The following CLPB variants were observed in gnomAD, a reference collection of about 807,000 sequenced individuals.
The protein encoded by CLPB is ClpB family mitochondrial disaggregase, also known as mitochondrial disaggregase.
In CLPB, 40 loss-of-function variants were observed where a neutral mutation model predicts 78.4. The ratio of observed to expected loss-of-function variants is 0.51; its 90% CI spans 0.40 to 0.66. The LOEUF is 0.66. Ranked by LOEUF, CLPB falls within the 30% of genes least tolerant of loss-of-function variation. The probability of loss-of-function intolerance (pLI) is 0.00; values close to 1 mark genes in which losing one functional copy is unlikely to be tolerated. For synonymous variants in CLPB, 333 were observed against 348.0 expected (o/e 0.96, Z 0.48); for missense variants, 780 against 886.9 (o/e 0.88, Z 1.53).
At chr11:72,372,400 T>C (rs1274200854) in intron 4 of CLPB, among the ~76,000 whole-genome samples, 2 of 152,166 alleles carry the variant, frequency 1.3e-5, no homozygotes, top group Non-Finnish European at 2.9e-5. Flanking sequence ...CTGGCAGGTA[T>C]AGAAAATTGC....
At chr11:72,380,579 C>T (rs1854881615) in intron 3 of CLPB, among the ~76,000 whole-genome samples, 195 bp from the exon 4 acceptor site, 1 of 152,114 alleles carries the variant, frequency 6.6e-6, no homozygotes, top group South Asian at 2.1e-4. Flanking sequence ...TAGCCGGGTG[C>T]AGTGACTAAT....
At chr11:72,331,849 T>G (rs182056123) in intron 5 of CLPB, among the ~76,000 whole-genome samples, 2 of 151,694 alleles carry the variant, frequency 1.3e-5, no homozygotes, top group East Asian at 2.0e-4. Flanking sequence ...GCTGGGATTA[T>G]AGGTGTGAGC....
intron 5 of CLPB, among the ~76,000 whole-genome samples, chr11:72,341,333 A>C (rs1311167312): frequency 6.6e-6 from 1 of 152,226 alleles, no homozygotes; most frequent in Admixed American, 6.5e-5. Context: ...CAGGGCCACC[A>C]GCAGCAGAAT....
At chr11:72,310,952 G>C (rs77198870) in intron 7 of CLPB, 1 of 152,112 alleles carries the variant, frequency 6.6e-6, no homozygotes, top group African/African-American at 2.4e-5. Flanking sequence ...ACCTGGGAGA[G>C]AGCTCTTTAT....
Position 72,313,108 on chromosome 11 carries a change from G to C in CLPB, c.988+3998C>G, listed in dbSNP as rs540463221. Among the ~76,000 whole-genome samples the C allele has an allele frequency of 7.9e-5, 12 of 152,310 alleles. No individual in the cohort carries two copies. The East Asian group carries it at 1.9e-3, about 24-fold the overall frequency. On this transcript the variant is annotated intron_variant, in intron 7 of 15. Coordinates refer to ENST00000538039, the MANE Select transcript of CLPB (RefSeq NM_001258392.3). ...ACTTACCTTTCTTGATAGGTGCCAG[G>C]GATATAGTGTGGGAGGTTTTTTATA...
At chr11:72,369,207 C>T (rs990430227) in intron 4 of CLPB, among the ~76,000 whole-genome samples, 1 of 152,132 alleles carries the variant, frequency 6.6e-6, no homozygotes, top group Non-Finnish European at 1.5e-5. Flanking sequence ...CTTTCCAGAG[C>T]CCACATCTCA....
rs1313530708 is a variant in CLPB, at chr11:72,290,568, T to G, written c.*2799A>C. The G allele has an allele frequency of 6.6e-6, 1 of 152,112 alleles. No individual in the cohort carries two copies. Among genetic ancestry groups the G allele is most frequent in the Admixed American group, 6.6e-5 (1 of 15,254 alleles). The allele number at this position is 152,112 out of a possible 1,614,324, so 9.4% of individuals were successfully genotyped here. The stretch of plus-strand genomic sequence containing the variant: ...ATTCACATAGCTTCAAAGTGGAAGA[T>G]TCTTGTTAATTTCAAAGGGAAAATT... On this transcript the variant is annotated 3_prime_UTR_variant, in exon 16 of 16. Coordinates refer to ENST00000538039, the MANE Select transcript of CLPB (RefSeq NM_001258392.3).
At chr11:72,309,987 G>A (rs1396962510) in intron 7 of CLPB, among the ~76,000 whole-genome samples, 1 of 152,214 alleles carries the variant, frequency 6.6e-6, no homozygotes, top group Non-Finnish European at 1.5e-5. Context: ...AGAGGTCTGG[G>A]AAGGTTCTCT....
At chr11:72,433,463 C>T (rs940381924) in intron 1 of CLPB, among the ~76,000 whole-genome samples, 4 of 151,820 alleles carry the variant, frequency 2.6e-5, no homozygotes, top group African/African-American at 9.7e-5. Context: ...TAGCTTGAAC[C>T]CGGGAGGCGG....
chr11:72,303,260 A>C (rs1435285601), intron 9 of CLPB, among the ~76,000 whole-genome samples: 11 of 152,212 alleles, frequency 7.2e-5, no homozygotes, highest in African/African-American at 2.7e-4. Flanking sequence ...GCATTCACTG[A>C]ATCCTGCTTC....
At position 72,312,483 on chromosome 11, in the gene CLPB, G is replaced by GGTGCTGGGT. The variant is rs1160380513; in HGVS notation, c.989-3888_989-3880dup. Reference sequence around the variant, plus strand: ...AATCTGACCATATTCCATGGGAGCAGGTGCTGGGTGTCCTGGGTGCCCTAT... The same window carrying GGTGCTGGGT: ...AATCTGACCATATTCCATGGGAGCAGGTGCTGGGTGTGCTGGGTGTCCTGGGTGCCCTAT... On this transcript the variant is annotated intron_variant, in intron 7 of 15. Transcript: ENST00000538039. This position sits in a 1 kb window ranked among gnomAD's most constrained non-coding sequence, Gnocchi z 4.2. 2.0e-5 allele frequency among the ~76,000 whole-genome samples: 3 copies of GGTGCTGGGT among 152,230 alleles called. No homozygotes were observed. Among genetic ancestry groups the GGTGCTGGGT allele is most frequent in the African/African-American group, 7.2e-5 (3 of 41,462 alleles).
intron 11 of CLPB, among the ~76,000 whole-genome samples, chr11:72,299,596 C>T (rs1769433884): frequency 6.6e-6 from 1 of 152,238 alleles, no homozygotes; most frequent in Admixed American, 6.5e-5. Flanking sequence ...CTAGCACTTA[C>T]TAACCCTTTG....
At chr11:72,325,038 T>C (rs1406722528) in intron 6 of CLPB, among the ~76,000 whole-genome samples, 1 of 152,150 alleles carries the variant, frequency 6.6e-6, no homozygotes, top group Non-Finnish European at 1.5e-5. Flanking sequence ...GAGCAATAAA[T>C]TCCTCGTGAG....
Position 72,372,209 on chromosome 11 carries a change from A to C in CLPB, c.646+8072T>G, listed in dbSNP as rs546350090. On this transcript the variant is annotated intron_variant, in intron 4 of 15. Transcript: ENST00000538039. ...TTGAGGGTTAATGGTTTGCTACCAG[A>C]GGAAAGCATTTGGAAGGCTGTGTCA... Among the ~76,000 whole-genome samples, 144 of 152,358 alleles carry C rather than the reference A, an allele frequency of 9.5e-4. 1 individual carries two copies. The highest frequency in any genetic ancestry group is 3.2e-3 in the African/African-American group (134 of 41,590).
chr11:72,343,491 A>T (rs1403359550), intron 5 of CLPB, among the ~76,000 whole-genome samples: 1 of 152,182 alleles, frequency 6.6e-6, no homozygotes, highest in Non-Finnish European at 1.5e-5. Context: ...TTTGCTTTTT[A>T]AAAAAACCAG....
chr11:72,409,992 G>C (rs913393306), intron 2 of CLPB, among the ~76,000 whole-genome samples: 1 of 151,564 alleles, frequency 6.6e-6, no homozygotes, highest in African/African-American at 2.4e-5. Context: ...AAAAATCCAG[G>C]CTCTGGCGGG....
chr11:72,357,958 G>A (rs1479791617), intron 5 of CLPB, among the ~76,000 whole-genome samples: 2 of 152,134 alleles, frequency 1.3e-5, no homozygotes, highest in African/African-American at 4.8e-5. Flanking sequence ...AAGCACCAGA[G>A]GAGGCATGAA....
At chr11:72,319,389 C>T (rs538895387) in intron 6 of CLPB, among the ~76,000 whole-genome samples, 3 of 152,272 alleles carry the variant, frequency 2.0e-5, no homozygotes, top group South Asian at 2.1e-4. Flanking sequence ...ATGTGACTAC[C>T]GTTTGTGGAA....
intron 3 of CLPB, among the ~76,000 whole-genome samples, chr11:72,396,536 T>C (rs963430485): frequency 6.6e-6 from 1 of 152,140 alleles, no homozygotes; most frequent in African/African-American, 2.4e-5. Flanking sequence ...AACCCAAGAA[T>C]AGTGTGGGAG....
Sources: gnomAD v4.1 joint callset for allele counts (sites outside exome capture counted in the v4.1 genomes callset) on GRCh38, gnomAD v4.1.1 for gene constraint, Gnocchi (gnomAD v3.1) non-coding constraint, MANE v1.5 for transcripts, NCBI Gene and HGNC (gene_info 2026-07-23, HGNC 2026-07-21) for gene names.